The following STK39 variants were observed in gnomAD, a reference collection of about 807,000 sequenced individuals.
STK39 encodes serine/threonine kinase 39.
In STK39, 20 loss-of-function variants were observed where a neutral mutation model predicts 77.8. That is an observed-to-expected ratio of 0.26 (90% CI 0.18 to 0.37). STK39 has a LOEUF of 0.37. Ranked by LOEUF, STK39 falls within the 10% of genes least tolerant of loss-of-function variation. The pLI, the probability that STK39 is intolerant of heterozygous loss-of-function variation, is 1.00. For missense variants in STK39, 479 were observed against 656.5 expected, an observed-to-expected ratio of 0.73 and a Z score of 2.95; for synonymous variants, 246 against 234.1, an observed-to-expected ratio of 1.05 and a Z score of -0.47.
chr2:168,057,094 G>T (rs189897310), intron 14 of STK39, among the ~76,000 whole-genome samples: 22 of 152,320 alleles, frequency 1.4e-4, no homozygotes, highest in African/African-American at 5.1e-4. Flanking sequence ...AGATCAGCTT[G>T]ACAGCAATTC....
chr2:168,218,959 A>G (rs1690093823), intron 1 of STK39, among the ~76,000 whole-genome samples: 1 of 151,848 alleles, frequency 6.6e-6, no homozygotes, highest in Admixed American at 6.6e-5. Flanking sequence ...AAGCTACCAG[A>G]CGAAATAAGC....
At chr2:168,224,684 T>C (rs1443762535) in intron 1 of STK39, among the ~76,000 whole-genome samples, 1 of 152,244 alleles carries the variant, frequency 6.6e-6, no homozygotes, top group Non-Finnish European at 1.5e-5. Context: ...TAGTTTTTAA[T>C]AAAACAATAA....
intron 10 of STK39, among the ~76,000 whole-genome samples, chr2:168,119,950 G>A (rs894234078): frequency 4.6e-5 from 7 of 152,176 alleles, no homozygotes; most frequent in Non-Finnish European, 1.0e-4. Context: ...ACATGATGAT[G>A]CAGTTGGCCT....
intron 1 of STK39, among the ~76,000 whole-genome samples, chr2:168,229,192 C>G (rs1404138834): frequency 2.0e-5 from 3 of 151,996 alleles, no homozygotes; most frequent in Admixed American, 2.0e-4. Flanking sequence ...AGATATCAGC[C>G]TGGCCAATAT....
chr2:167,995,451 A>C (rs116347569), intron 16 of STK39, among the ~76,000 whole-genome samples: 6,449 of 152,272 alleles, frequency 0.042, 199 homozygotes, highest in South Asian at 0.098. Flanking sequence ...ATTTTCTTTA[A>C]GTTCAGAACA....
intron 14 of STK39, among the ~76,000 whole-genome samples, chr2:168,037,353 A>G (rs1157706520): frequency 2.0e-5 from 3 of 152,242 alleles, no homozygotes; most frequent in African/African-American, 7.2e-5. Context: ...CATCAAGAGT[A>G]TACATTGATA....
chr2:167,985,231 T>A (rs775989574), intron 16 of STK39, among the ~76,000 whole-genome samples: 9 of 152,254 alleles, frequency 5.9e-5, no homozygotes, highest in Non-Finnish European at 1.0e-4. Flanking sequence ...GATATTGTTC[T>A]CTTACCACCA....
intron 12 of STK39, among the ~76,000 whole-genome samples, chr2:168,066,897 T>C (rs1685809856): frequency 6.6e-6 from 1 of 152,200 alleles, no homozygotes; most frequent in Admixed American, 6.5e-5. Context: ...ACAGTTTGGA[T>C]ATTTGTTCCC....
chr2:168,144,913 C>T (rs1389190399), intron 5 of STK39, among the ~76,000 whole-genome samples: 1 of 149,768 alleles, frequency 6.7e-6, no homozygotes, highest in African/African-American at 2.5e-5. Flanking sequence ...CCCAGGAGGT[C>T]GAGGACGCAG....
At chr2:168,138,515 G>A (rs998952992) in intron 7 of STK39, among the ~76,000 whole-genome samples, 3 of 152,208 alleles carry the variant, frequency 2.0e-5, no homozygotes, top group African/African-American at 7.2e-5. Flanking sequence ...CTGCCTTGAG[G>A]AGCACGTAGC....
At chr2:168,030,041 C>A (rs961641321) in intron 14 of STK39, among the ~76,000 whole-genome samples, 3 of 152,068 alleles carry the variant, frequency 2.0e-5, no homozygotes, top group Admixed American at 6.6e-5. Flanking sequence ...GAGATAGAGA[C>A]CATCCTGGCT....
At chr2:168,111,282 G>T (rs926305204) in intron 10 of STK39, among the ~76,000 whole-genome samples, 2 of 152,014 alleles carry the variant, frequency 1.3e-5, no homozygotes, top group African/African-American at 4.8e-5. Context: ...TTCAGATTAA[G>T]ATTGTTCTTT....
chr2:168,219,038 G>C (rs985537211), intron 1 of STK39, among the ~76,000 whole-genome samples: 6 of 152,134 alleles, frequency 3.9e-5, no homozygotes, highest in African/African-American at 1.4e-4. Flanking sequence ...TATGAATCAA[G>C]AATTTGGGGT....
chr2:168,155,422 T>C (rs1352006114), intron 5 of STK39, among the ~76,000 whole-genome samples: 1 of 152,196 alleles, frequency 6.6e-6, no homozygotes, highest in East Asian at 1.9e-4. Flanking sequence ...CCACATTAAT[T>C]TACTGTCCTT....
At chr2:168,228,457 C>T (rs1373146128) in intron 1 of STK39, among the ~76,000 whole-genome samples, 4 of 151,962 alleles carry the variant, frequency 2.6e-5, no homozygotes, top group Admixed American at 2.6e-4. Flanking sequence ...TATAAATTTT[C>T]TACAATGACC....
chr2:167,984,897 C>T (rs971935662), intron 16 of STK39, among the ~76,000 whole-genome samples: 1 of 152,154 alleles, frequency 6.6e-6, no homozygotes, highest in Admixed American at 6.5e-5. Flanking sequence ...TATGCACATA[C>T]AGCCAGTCTT....
intron 16 of STK39, among the ~76,000 whole-genome samples, chr2:167,970,233 T>C (rs1692293637): frequency 6.6e-6 from 1 of 152,328 alleles, no homozygotes; most frequent in South Asian, 2.1e-4. Context: ...TATATATTTA[T>C]ACATTATTTC....
intron 16 of STK39, among the ~76,000 whole-genome samples, chr2:168,003,842 T>C (rs180831809): frequency 2.4e-4 from 36 of 152,360 alleles, no homozygotes; most frequent in African/African-American, 7.2e-4. Flanking sequence ...ATAAAGACAC[T>C]ATTTTAATAA....
At chr2:168,193,388 G>A (rs1230410559) in intron 1 of STK39, among the ~76,000 whole-genome samples, 1 of 152,254 alleles carries the variant, frequency 6.6e-6, no homozygotes. Flanking sequence ...CACAAGGGAA[G>A]AGGATATGAA....
Sources: allele counts gnomAD v4.1 joint callset (sites outside exome capture counted in the v4.1 genomes callset), GRCh38; gene constraint gnomAD v4.1.1; transcripts MANE v1.5; gene names NCBI Gene and HGNC (gene_info 2026-07-23, HGNC 2026-07-21).